CACNA1C: variants seen among roughly 807,000 people sequenced by gnomAD.
CACNA1C encodes the protein calcium voltage-gated channel subunit alpha1 C.
CACNA1C carries 30 observed loss-of-function variants against 229.0 expected under a neutral mutation model. The observed-to-expected ratio is 0.13, with a 90% confidence interval of 0.10 to 0.18. The LOEUF is 0.18. Among genes scored for constraint, CACNA1C ranks in the 10% least tolerant of loss-of-function variants. The pLI, the probability that CACNA1C is intolerant of heterozygous loss-of-function variation, is 1.00. For missense variants in CACNA1C, 1,658 were observed against 2,845.0 expected (o/e 0.58, Z 9.49); for synonymous variants, 1,114 against 1,132.5 (o/e 0.98, Z 0.33).
intron 43 of CACNA1C, among the ~76,000 whole-genome samples, chr12:2,684,994 C>T (rs10848687): frequency 0.16 from 24,415 of 151,938 alleles, 3,386 homozygotes; most frequent in African/African-American, 0.41. Context: ...GCTTCTTGAA[C>T]TGCAGGCTGA....
chr12:2,372,504 G>A (rs2097897864), intron 3 of CACNA1C, among the ~76,000 whole-genome samples: 1 of 152,144 alleles, frequency 6.6e-6, no homozygotes, highest in Admixed American at 6.5e-5. Context: ...GTTAATCCAG[G>A]AGAGATGGAC....
Position 2,135,576 on chromosome 12 carries a change from T to C in CACNA1C, c.477+15146T>C, listed in dbSNP as rs561869284. On this transcript the variant is annotated intron_variant, in intron 3 of 46. Coordinates refer to ENST00000399655, the MANE Select transcript of CACNA1C (RefSeq NM_000719.7). ...TTGGAGTACCCTGCTGTGAGAGGTGTCAGTCTGCCCCTGCTGGGGGGTGCC... is the reference window on the plus strand; with the variant it reads ...TTGGAGTACCCTGCTGTGAGAGGTGCCAGTCTGCCCCTGCTGGGGGGTGCC... Among the ~76,000 whole-genome samples the C allele has an allele frequency of 5.2e-5, 7 of 134,746 alleles. 2 individuals carry two copies. The South Asian group carries it at 1.6e-3, about 31-fold the overall frequency. The allele number at this position is 134,746 out of a possible 152,430, so 88.4% of individuals were successfully genotyped here. A position where few individuals can be genotyped will look rare whatever the true frequency, so the allele number is the denominator to read the frequency against.
At chr12:2,088,627 A>G (rs911519168) in intron 1 of CACNA1C, among the ~76,000 whole-genome samples, 17 of 152,188 alleles carry the variant, frequency 1.1e-4, no homozygotes, top group African/African-American at 3.4e-4. Flanking sequence ...TTAAACAGGT[A>G]TTTTAGAAAG....
rs58893912 is a variant in CACNA1C, at chr12:2,668,895, C to A, written c.4624-38C>A. ...TGTTCTGCGGTCCCCTAAGCACCGC[C>A]TGCCATCATCACCAGCTTTGCTTCT... On this transcript the variant is annotated intron_variant, in intron 37 of 46. Transcript: ENST00000399655. 561 of 1,421,014 alleles carry A rather than the reference C, an allele frequency of 3.9e-4. 1 individual carries two copies. In the African/African-American group the frequency reaches 7.2e-3, roughly 18 times the overall value. The allele number at this position is 1,421,014 out of a possible 1,614,324, so 88.0% of individuals were successfully genotyped here.
chr12:2,608,373 A>G lies in CACNA1C; in HGVS notation c.3357-138A>G. The G allele has an allele frequency of 1.7e-6, 1 of 602,616 alleles. No homozygotes were observed. Among genetic ancestry groups the G allele is most frequent in the South Asian group, 2.4e-5 (1 of 41,280 alleles). The allele number at this position is 602,616 out of a possible 1,614,324, so 37.3% of individuals were successfully genotyped here. A position where few individuals can be genotyped will look rare whatever the true frequency, so the allele number is the denominator to read the frequency against. ...TTTGCCCAAGGTCACACAGCCAGTA[A>G]GAGGCCGAGCTGGGACTCCAGCCCA... On this transcript the variant is annotated intron_variant, in intron 26 of 46. Coordinates refer to ENST00000399655, the MANE Select transcript of CACNA1C (RefSeq NM_000719.7). The surrounding 1 kb of genome is among the most constrained non-coding windows in gnomAD (Gnocchi z 4.2).
At chr12:2,177,589 CTTCCTTCCT>C (rs1432280216) in intron 3 of CACNA1C, among the ~76,000 whole-genome samples, 2 of 45,558 alleles carry the variant, frequency 4.4e-5, no homozygotes, top group African/African-American at 1.2e-4. Flanking sequence ...CCCTCCCTCC[CTTCCTTCCT>C]TCCTTCCTTC....
intron 3 of CACNA1C, among the ~76,000 whole-genome samples, chr12:2,253,168 T>A (rs2076224914): frequency 6.6e-6 from 1 of 152,234 alleles, no homozygotes; most frequent in Admixed American, 6.5e-5. Flanking sequence ...TTCACCAAGT[T>A]ATTGGGACTG....
At chr12:2,013,891 A>G (rs1160723121) in intron 1 of CACNA1C, among the ~76,000 whole-genome samples, 1 of 152,226 alleles carries the variant, frequency 6.6e-6, no homozygotes, top group Non-Finnish European at 1.5e-5. Flanking sequence ...ATAAAATATG[A>G]GGCTTTAGAA....
intron 3 of CACNA1C, among the ~76,000 whole-genome samples, chr12:2,298,649 G>A (rs537432630): frequency 6.6e-6 from 1 of 152,338 alleles, no homozygotes; most frequent in East Asian, 1.9e-4. Flanking sequence ...GTTTATGTCT[G>A]CCCTGGCATT....
Position 2,602,831 on chromosome 12 carries a change from A to C in CACNA1C, c.2960+871A>C, listed in dbSNP as rs1475410677. Among the ~76,000 whole-genome samples, 1 of 152,112 alleles carries C rather than the reference A, an allele frequency of 6.6e-6. No homozygotes were observed. Among genetic ancestry groups the C allele is most frequent in the Non-Finnish European group, 1.5e-5 (1 of 68,008 alleles). ...TAACAGCTGATAGTGTGAATCCTACACTTTAACTTTCAAAGCACTTCCACA... is the reference window on the plus strand; with the variant it reads ...TAACAGCTGATAGTGTGAATCCTACCCTTTAACTTTCAAAGCACTTCCACA... On this transcript the variant is annotated intron_variant, in intron 22 of 46. Transcript: ENST00000399655. This position sits in a 1 kb window ranked among gnomAD's most constrained non-coding sequence, Gnocchi z 4.4.
In CACNA1C at chr12:2,319,845, C is replaced by T. The variant is rs945859478; in HGVS notation, c.478-129131C>T. Among the ~76,000 whole-genome samples, 3 of 152,008 alleles carry T rather than the reference C, an allele frequency of 2.0e-5. No homozygotes were observed. The highest frequency in any genetic ancestry group is 7.3e-5 in the African/African-American group (3 of 41,362). On this transcript the variant is annotated intron_variant, in intron 3 of 46. Transcript: ENST00000399655. The surrounding 1 kb of genome is among the most constrained non-coding windows in gnomAD (Gnocchi z 4.0). ...AGGTATCCCCTTCTAGCAGGAGGGG[C>T]CCCCAGACATTTCACTTCATTCCTT...
At chr12:2,525,681 G>C (rs886955698) in intron 9 of CACNA1C, among the ~76,000 whole-genome samples, 1 of 152,166 alleles carries the variant, frequency 6.6e-6, no homozygotes, top group Non-Finnish European at 1.5e-5. Context: ...ATGCCTCCTG[G>C]GGAAAAAGTC....
rs530135654 is a variant in CACNA1C at position 2,169,515 on chromosome 12, C to T, written c.477+49085C>T. ...CTTCCTTGGCTGTGTGGCTTTTCTA[C>T]GCTGCAAACCAAGCTTGTAGACATG... On this transcript the variant is annotated intron_variant, in intron 3 of 46. Coordinates refer to ENST00000399655, the MANE Select transcript of CACNA1C (RefSeq NM_000719.7). Among the ~76,000 whole-genome samples the T allele has an allele frequency of 5.9e-5, 9 of 152,282 alleles. No individual in the cohort carries two copies. In the South Asian group the frequency reaches 1.7e-3, roughly 28 times the overall value.
intron 3 of CACNA1C, among the ~76,000 whole-genome samples, chr12:2,299,171 T>C (rs1035075397): frequency 6.6e-6 from 1 of 152,248 alleles, no homozygotes; most frequent in Admixed American, 6.5e-5. Context: ...CTTTATGCGC[T>C]ATGCGTTAGA....
chr12:2,473,260 C>T (rs1278960110), intron 5 of CACNA1C, among the ~76,000 whole-genome samples: 2 of 152,186 alleles, frequency 1.3e-5, no homozygotes, highest in African/African-American at 2.4e-5. Context: ...CACAGACACA[C>T]AGGCAACCCC....
intron 5 of CACNA1C, among the ~76,000 whole-genome samples, chr12:2,460,981 G>A (rs1384836352): frequency 6.6e-6 from 1 of 152,222 alleles, no homozygotes; most frequent in Admixed American, 6.5e-5. Flanking sequence ...GATGTCAGCA[G>A]TATCTCCCCT....
chr12:2,625,332 G>A (rs1490036400), intron 29 of CACNA1C, among the ~76,000 whole-genome samples: 2 of 152,172 alleles, frequency 1.3e-5, no homozygotes, highest in Non-Finnish European at 2.9e-5. Context: ...GTACACTGTG[G>A]TTTCCGTCTC....
Position 2,410,777 on chromosome 12 carries a change from G to A in CACNA1C, c.478-38199G>A, listed in dbSNP as rs534435157. On this transcript the variant is annotated intron_variant, in intron 3 of 46. Coordinates refer to ENST00000399655, the MANE Select transcript of CACNA1C (RefSeq NM_000719.7). The surrounding 1 kb of genome is among the most constrained non-coding windows in gnomAD (Gnocchi z 5.3). ...TCCAGGAGCTGACTCTAGTTGTCAGGATGGCTCCCCTGTGTGTGTATATGT... is the reference window on the plus strand; with the variant it reads ...TCCAGGAGCTGACTCTAGTTGTCAGAATGGCTCCCCTGTGTGTGTATATGT... Among the ~76,000 whole-genome samples, 1 of 149,130 alleles carries A rather than the reference G, an allele frequency of 6.7e-6. No individual in the cohort carries two copies. Among genetic ancestry groups the A allele is most frequent in the Non-Finnish European group, 1.5e-5 (1 of 67,466 alleles).
Position 2,348,088 on chromosome 12 carries a change from G to C in CACNA1C, c.478-100888G>C, listed in dbSNP as rs1289603316. ...TCCTAGAAACTGCAGTGAGGTGACTGTGCGGCAGGCCCACTCTCAACTCGA... is the reference window on the plus strand; with the variant it reads ...TCCTAGAAACTGCAGTGAGGTGACTCTGCGGCAGGCCCACTCTCAACTCGA... On this transcript the variant is annotated intron_variant, in intron 3 of 46. Coordinates refer to ENST00000399655, the MANE Select transcript of CACNA1C (RefSeq NM_000719.7). The surrounding 1 kb of genome is among the most constrained non-coding windows in gnomAD (Gnocchi z 4.7). Among the ~76,000 whole-genome samples, 1 of 152,240 alleles carries C rather than the reference G, an allele frequency of 6.6e-6. No homozygotes were observed. The highest frequency in any genetic ancestry group is 1.5e-5 in the Non-Finnish European group (1 of 68,028).
Sources: allele counts gnomAD v4.1 joint callset (sites outside exome capture counted in the v4.1 genomes callset), GRCh38; gene constraint gnomAD v4.1.1; non-coding constraint Gnocchi (gnomAD v3.1); transcripts MANE v1.5; gene names NCBI Gene and HGNC (gene_info 2026-07-23, HGNC 2026-07-21).